TNFAIP8: variants seen among roughly 807,000 people sequenced by gnomAD.
TNFAIP8 encodes the protein TNF alpha induced protein 8, also known as tumor necrosis factor alpha-induced protein 8.
Under a neutral mutation model 13.3 loss-of-function variants are expected in TNFAIP8, and 7 were observed. The observed-to-expected ratio is 0.52, with a 90% CI of 0.30 to 0.99. TNFAIP8 has a LOEUF of 0.99. Ranked by LOEUF, TNFAIP8 falls within the 50% of genes least tolerant of loss-of-function variation. The pLI is 0.07. For missense variants in TNFAIP8, 258 were observed against 236.9 expected (o/e 1.09, Z -0.58); for synonymous variants, 94 against 87.6 (o/e 1.07, Z -0.41).
chr5:119,288,389 ACGG>A, intron 1 of TNFAIP8, among the ~76,000 whole-genome samples: 1 of 152,242 alleles, frequency 6.6e-6, no homozygotes, highest in African/African-American at 2.4e-5. Context: ...CCTAAAAGGC[ACGG>A]TCTTATTCTG....
At chr5:119,297,041 C>T (rs1749201333) in intron 1 of TNFAIP8, among the ~76,000 whole-genome samples, 2 of 152,132 alleles carry the variant, frequency 1.3e-5, no homozygotes. Context: ...GTCTTGCTAG[C>T]AGTCTATCAA....
At chr5:119,379,736 A>G (rs1399802670) in intron 1 of TNFAIP8, among the ~76,000 whole-genome samples, 1 of 152,048 alleles carries the variant, frequency 6.6e-6, no homozygotes, top group African/African-American at 2.4e-5. Context: ...GACCATAAGC[A>G]TACACCACAA....
intron 1 of TNFAIP8, among the ~76,000 whole-genome samples, chr5:119,301,342 G>A (rs1357622761): frequency 6.6e-6 from 1 of 152,078 alleles, no homozygotes; most frequent in Non-Finnish European, 1.5e-5. Context: ...CTTGTTCCCA[G>A]TGACTATAAT....
rs758186684 is a variant in TNFAIP8, at chr5:119,392,961, G to A, written c.177G>A (p.Arg59=). 1.9e-6 allele frequency: 3 copies of A among 1,611,512 alleles called. No homozygotes were observed. The highest frequency in any genetic ancestry group is 4.5e-5 in the East Asian group (2 of 44,718). The change falls in exon 2 of 2, where the codon AGG becomes AGA. Residue 59 remains arginine, a synonymous_variant. Transcript: ENST00000504771. ...TGGATGAGCTCTACAGAGTGACCAG[G>A]GAGTACACCCAAAACAAGAAGGAGG... ...EVLDELYRVT[R]EYTQNKKEAE...
chr5:119,389,454 A>G (rs759469901), intron 1 of TNFAIP8, among the ~76,000 whole-genome samples: 6 of 152,198 alleles, frequency 3.9e-5, no homozygotes, highest in Non-Finnish European at 5.9e-5. Context: ...ATCCAGGACT[A>G]GCTCTGAGAT....
chr5:119,374,404 G>A (rs987206709), intron 1 of TNFAIP8, among the ~76,000 whole-genome samples: 6 of 152,150 alleles, frequency 3.9e-5, no homozygotes, highest in African/African-American at 1.2e-4. Context: ...TAGAAAACAA[G>A]GCAAGTGGGT....
chr5:119,326,183 C>G (rs532141225), intron 1 of TNFAIP8, among the ~76,000 whole-genome samples: 1 of 152,108 alleles, frequency 6.6e-6, no homozygotes, highest in Admixed American at 6.5e-5. Flanking sequence ...ATCACCCTGT[C>G]GTTTAGGAAT....
chr5:119,372,553 C>T (rs1014209936), intron 1 of TNFAIP8, among the ~76,000 whole-genome samples: 12 of 152,158 alleles, frequency 7.9e-5, no homozygotes, highest in African/African-American at 2.9e-4. Context: ...GTTAAATGGC[C>T]ACCGCTATGT....
chr5:119,290,387 C>T (rs1748943611), intron 1 of TNFAIP8, among the ~76,000 whole-genome samples: 1 of 152,192 alleles, frequency 6.6e-6, no homozygotes, highest in Non-Finnish European at 1.5e-5. Flanking sequence ...AGCTGGTTCA[C>T]TTATGCAGCT....
chr5:119,376,399 G>A (rs1422737647), intron 1 of TNFAIP8, among the ~76,000 whole-genome samples: 1 of 152,116 alleles, frequency 6.6e-6, no homozygotes, highest in Non-Finnish European at 1.5e-5. Flanking sequence ...GGGATTACAG[G>A]TGTGAGCCAC....
At chr5:119,365,873 T>C (rs562423978) in intron 1 of TNFAIP8, among the ~76,000 whole-genome samples, 1 of 152,134 alleles carries the variant, frequency 6.6e-6, no homozygotes, top group South Asian at 2.1e-4. Context: ...TTCCAAGAGG[T>C]AGACAGAATT....
intron 1 of TNFAIP8, among the ~76,000 whole-genome samples, chr5:119,378,216 G>A (rs1350073233): frequency 6.6e-6 from 1 of 152,172 alleles, no homozygotes; most frequent in Non-Finnish European, 1.5e-5. Context: ...GGGGATGCCT[G>A]GGCATGCGGA....
intron 1 of TNFAIP8, among the ~76,000 whole-genome samples, chr5:119,384,946 A>C (rs112486209): frequency 7.2e-5 from 11 of 152,382 alleles, no homozygotes; most frequent in African/African-American, 2.6e-4. Flanking sequence ...AAACTAAGCC[A>C]CAGGAATAAA....
At chr5:119,391,953 T>G (rs540423786) in intron 1 of TNFAIP8, among the ~76,000 whole-genome samples, 1 of 152,230 alleles carries the variant, frequency 6.6e-6, no homozygotes, top group African/African-American at 2.4e-5. Flanking sequence ...TGTAAACATC[T>G]GTCAGAAGTT....
chr5:119,343,440 T>C (rs1396117959), intron 1 of TNFAIP8, among the ~76,000 whole-genome samples: 2 of 152,252 alleles, frequency 1.3e-5, no homozygotes, highest in Non-Finnish European at 2.9e-5. Context: ...TCTTGTTTTC[T>C]TTCTTTGAAG....
intron 1 of TNFAIP8, chr5:119,333,763 G>A (rs1363453264): frequency 2.5e-6 from 2 of 786,862 alleles, no homozygotes. Flanking sequence ...TAGAGCTACT[G>A]TGTTCAACAA....
chr5:119,389,550 AG>A (rs1278719539), intron 1 of TNFAIP8, among the ~76,000 whole-genome samples: 1 of 152,252 alleles, frequency 6.6e-6, no homozygotes, highest in Non-Finnish European at 1.5e-5. Context: ...TTAATTTGCA[AG>A]AAAAAGAAAC....
intron 1 of TNFAIP8, among the ~76,000 whole-genome samples, chr5:119,327,594 G>A (rs1750260089): frequency 6.6e-6 from 1 of 152,052 alleles, no homozygotes; most frequent in South Asian, 2.1e-4. Flanking sequence ...AAGTAGCTGG[G>A]ACCACAGGTG....
At chr5:119,374,322 A>C (rs148424634) in intron 1 of TNFAIP8, among the ~76,000 whole-genome samples, 21 of 152,306 alleles carry the variant, frequency 1.4e-4, no homozygotes, top group African/African-American at 5.1e-4. Flanking sequence ...GCTCTCAAAA[A>C]CTTTCCAATT....
Sources: gnomAD v4.1 joint callset for allele counts (sites outside exome capture counted in the v4.1 genomes callset) on GRCh38, gnomAD v4.1.1 for gene constraint, MANE v1.5 for transcripts, NCBI Gene and HGNC (gene_info 2026-07-23, HGNC 2026-07-21) for gene names.